The following GLI2 variants were observed in gnomAD, a reference collection of about 807,000 sequenced individuals.
GLI2 encodes transcription activator GLI2.
A neutral mutation model predicts 78.9 loss-of-function variants in GLI2; 22 were observed. The observed-to-expected ratio is 0.28, with a 90% CI of 0.20 to 0.40. The LOEUF is 0.40. GLI2 is among the 10% of genes least tolerant of loss of function. The pLI is 1.00. For missense variants in GLI2, 2,097 were observed against 2,213.2 expected, an observed-to-expected ratio of 0.95 and a Z score of 1.05; for synonymous variants, 974 against 963.7, an observed-to-expected ratio of 1.01 and a Z score of -0.20.
At chr2:120,839,781 A>G (rs1299888838) in intron 2 of GLI2, among the ~76,000 whole-genome samples, 1 of 152,030 alleles carries the variant, frequency 6.6e-6, no homozygotes, top group Non-Finnish European at 1.5e-5. Context: ...CAGGCTGGTC[A>G]TGAACTCTGG....
At chr2:120,899,084 AC>A (rs1222681351) in intron 2 of GLI2, among the ~76,000 whole-genome samples, 1 of 151,990 alleles carries the variant, frequency 6.6e-6, no homozygotes, top group Non-Finnish European at 1.5e-5. Flanking sequence ...TGGGTCCTTC[AC>A]TGGAAACTCC....
chr2:120,911,726 G>C (rs540143160), intron 2 of GLI2, among the ~76,000 whole-genome samples: 1 of 152,116 alleles, frequency 6.6e-6, no homozygotes, highest in Non-Finnish European at 1.5e-5. Context: ...CTGCGGTGGA[G>C]GGGGGTGGCA....
intron 2 of GLI2, among the ~76,000 whole-genome samples, chr2:120,926,690 G>T (rs1679692484): frequency 6.6e-6 from 1 of 152,210 alleles, no homozygotes; most frequent in South Asian, 2.1e-4. Context: ...GCCAAGTTCA[G>T]ACAGGAGGCT....
chr2:120,970,080 A>G (rs915734254), intron 6 of GLI2, among the ~76,000 whole-genome samples: 1 of 152,182 alleles, frequency 6.6e-6, no homozygotes, highest in African/African-American at 2.4e-5. Context: ...AGCGATACAG[A>G]CATGCGTCTA....
At chr2:120,907,765 C>CAA (rs1678614300) in intron 2 of GLI2, among the ~76,000 whole-genome samples, 1 of 152,068 alleles carries the variant, frequency 6.6e-6, no homozygotes, top group Non-Finnish European at 1.5e-5. Context: ...ATAACCCCCC[C>CAA]AACACACACA....
At chr2:120,780,948 GCT>G (rs1275685152) in intron 1 of GLI2, among the ~76,000 whole-genome samples, 81 of 152,284 alleles carry the variant, frequency 5.3e-4, no homozygotes, top group African/African-American at 1.8e-3. Context: ...GGCAGCCCCA[GCT>G]GCCCTGGGGC....
In GLI2 at chr2:120,955,133, A is replaced by G. The variant is rs1681180687; in HGVS notation, c.458-112A>G. 3 of 725,130 alleles carry G rather than the reference A, an allele frequency of 4.1e-6. No homozygotes were observed. In the South Asian group the frequency reaches 4.7e-5, roughly 11 times the overall value. 44.9% of individuals were successfully genotyped at this position (725,130 alleles called of 1,614,324 possible). On this transcript the variant is annotated intron_variant, in intron 4 of 13. Coordinates refer to ENST00000361492, the MANE Select transcript of GLI2 (RefSeq NM_001374353.1). ...TGCCGAGGAGAGAAACCCCGACACC[A>G]GGTGTGCATTTCTCTCTGCCTTTTT... is the stretch of plus-strand genomic sequence containing the variant.
At chr2:120,855,196 T>G (rs1687589230) in intron 2 of GLI2, among the ~76,000 whole-genome samples, 1 of 151,792 alleles carries the variant, frequency 6.6e-6, no homozygotes. Flanking sequence ...CAGGAAGGAG[T>G]TTGTGCAGAC....
intron 2 of GLI2, among the ~76,000 whole-genome samples, chr2:120,818,827 C>T (rs979774093): frequency 1.3e-5 from 2 of 152,202 alleles, no homozygotes; most frequent in African/African-American, 2.4e-5. Flanking sequence ...CAGGGCCACC[C>T]GGCTAGTAAG....
intron 8 of GLI2, 107 bp downstream of exon 8, chr2:120,972,170 A>G (rs1206543554): frequency 8.0e-6 from 10 of 1,243,950 alleles, no homozygotes; most frequent in Non-Finnish European, 1.0e-5. Flanking sequence ...GGCTGCCTGC[A>G]TGGATGAATG....
intron 10 of GLI2, among the ~76,000 whole-genome samples, chr2:120,982,515 C>A (rs192639938): frequency 6.6e-6 from 1 of 152,280 alleles, no homozygotes; most frequent in East Asian, 1.9e-4. Context: ...CCCTGGGCGA[C>A]CGGTGGTTTT....
chr2:120,912,524 T>G (rs930224037), intron 2 of GLI2, among the ~76,000 whole-genome samples: 14 of 152,250 alleles, frequency 9.2e-5, no homozygotes, highest in Middle Eastern at 3.4e-3. Context: ...AAATACTGTT[T>G]CCATGCGCCA....
chr2:120,851,109 T>C (rs1037855221), intron 2 of GLI2, among the ~76,000 whole-genome samples: 1 of 152,036 alleles, frequency 6.6e-6, no homozygotes, highest in African/African-American at 2.4e-5. Context: ...AGTGTAAAAA[T>C]CATATGCAGG....
At chr2:120,811,362 C>T (rs1259445066) in intron 2 of GLI2, among the ~76,000 whole-genome samples, 1 of 152,198 alleles carries the variant, frequency 6.6e-6, no homozygotes, top group Non-Finnish European at 1.5e-5. Context: ...TGCTGTCCCC[C>T]TCCCCTACTT....
In GLI2 at chr2:120,972,783, G is replaced by A. The variant is rs147015688; in HGVS notation, c.1182+720G>A. On this transcript the variant is annotated intron_variant, in intron 8 of 13. Coordinates refer to ENST00000361492, the MANE Select transcript of GLI2 (RefSeq NM_001374353.1). ...CAAGTTCAAGCGGGGAGAGAAGAGC[G>A]GAGCAGCCCACAGCCCAGTGCAGGC... 332 of 473,394 alleles carry A rather than the reference G, an allele frequency of 7.0e-4. 3 individuals are homozygous for A. The highest frequency in any genetic ancestry group is 5.2e-3 in the African/African-American group (265 of 51,026). The allele number at this position is 473,394 out of a possible 1,614,324, so 29.3% of individuals were successfully genotyped here.
intron 3 of GLI2, among the ~76,000 whole-genome samples, chr2:120,949,494 A>C (rs1005321882): frequency 3.3e-5 from 5 of 152,178 alleles, no homozygotes; most frequent in African/African-American, 1.2e-4. Flanking sequence ...TGGCAGATGC[A>C]CCTGTCAGCT....
At chr2:120,886,159 A>AGTGTGT (rs532891541) in intron 2 of GLI2, among the ~76,000 whole-genome samples, 7 of 116,748 alleles carry the variant, frequency 6.0e-5, no homozygotes, top group Non-Finnish European at 1.0e-4. Flanking sequence ...ATTTTTCCAA[A>AGTGTGT]GTGTGTGTGT....
At chr2:120,930,874 C>T (rs1319462738) in intron 3 of GLI2, among the ~76,000 whole-genome samples, 3 of 152,246 alleles carry the variant, frequency 2.0e-5, no homozygotes, top group Non-Finnish European at 4.4e-5. Flanking sequence ...CTTTGCCATG[C>T]TCCAGCTCTG....
chr2:120,946,821 G>C (rs1006489618), intron 3 of GLI2, among the ~76,000 whole-genome samples: 5 of 152,256 alleles, frequency 3.3e-5, no homozygotes, highest in African/African-American at 1.2e-4. Flanking sequence ...CTGCTGTGTG[G>C]TTTGGCAATG....
Sources: gnomAD v4.1 joint callset for allele counts (sites outside exome capture counted in the v4.1 genomes callset) on GRCh38, gnomAD v4.1.1 for gene constraint, MANE v1.5 for transcripts, NCBI Gene and HGNC (gene_info 2026-07-23, HGNC 2026-07-21) for gene names.